Variants in PTPRT observed in about 807,000 individuals in gnomAD.
The protein encoded by PTPRT is protein tyrosine phosphatase receptor type T.
A neutral mutation model predicts 176.8 loss-of-function variants in PTPRT; 56 were observed. The ratio of observed to expected loss-of-function variants is 0.32; its 90% CI spans 0.26 to 0.40. The LOEUF is 0.40. PTPRT is among the 10% of genes least tolerant of loss of function. The pLI, the probability that PTPRT is intolerant of heterozygous loss-of-function variation, is 1.00. For missense variants in PTPRT, 1,540 were observed against 1,908.2 expected, an observed-to-expected ratio of 0.81 and a Z score of 3.60; for synonymous variants, 783 against 739.0, an observed-to-expected ratio of 1.06 and a Z score of -0.96.
intron 6 of PTPRT, among the ~76,000 whole-genome samples, chr20:42,689,449 C>T (rs1335002515): frequency 6.6e-6 from 1 of 152,184 alleles, no homozygotes; most frequent in Non-Finnish European, 1.5e-5. Context: ...TAAAACCTCG[C>T]ACTCATCCTT....
At chr20:42,239,894 T>A (rs928811308) in intron 14 of PTPRT, among the ~76,000 whole-genome samples, 5 of 152,166 alleles carry the variant, frequency 3.3e-5, no homozygotes, top group Admixed American at 1.3e-4. Context: ...AGCTGAGGAA[T>A]CTAAGATTAT....
At chr20:42,790,736 C>G (rs2077362215) in intron 3 of PTPRT, among the ~76,000 whole-genome samples, 2 of 152,154 alleles carry the variant, frequency 1.3e-5, no homozygotes, top group South Asian at 4.2e-4. Context: ...CTTCAAGATT[C>G]ATCTTAGATG....
At chr20:42,554,759 G>A (rs1363046671) in intron 7 of PTPRT, among the ~76,000 whole-genome samples, 1 of 152,022 alleles carries the variant, frequency 6.6e-6, no homozygotes, top group Admixed American at 6.6e-5. Context: ...GACTTAAGCT[G>A]GTCAAATTTG....
chr20:42,169,090 C>T (rs1389013252), intron 16 of PTPRT, among the ~76,000 whole-genome samples: 2 of 152,112 alleles, frequency 1.3e-5, no homozygotes, highest in Non-Finnish European at 2.9e-5. Flanking sequence ...GAAATGCTTC[C>T]AATTTTCTCA....
chr20:43,034,115 G>A (rs894711278), intron 1 of PTPRT, among the ~76,000 whole-genome samples: 1 of 152,220 alleles, frequency 6.6e-6, no homozygotes, highest in African/African-American at 2.4e-5. Flanking sequence ...CTGACTGTGT[G>A]TTCCATTCTA....
chr20:43,115,683 T>C (rs1409686183), intron 1 of PTPRT, among the ~76,000 whole-genome samples: 1 of 152,142 alleles, frequency 6.6e-6, no homozygotes, highest in Admixed American at 6.5e-5. Flanking sequence ...AAAATGTCAA[T>C]TCAATTACCA....
chr20:43,111,858 T>C (rs950399582), intron 1 of PTPRT, among the ~76,000 whole-genome samples: 3 of 152,210 alleles, frequency 2.0e-5, no homozygotes, highest in African/African-American at 7.2e-5. Context: ...GAGCTGCCAG[T>C]CATCAGACTT....
intron 1 of PTPRT, among the ~76,000 whole-genome samples, chr20:43,017,523 CCA>C (rs1322941287): frequency 6.6e-6 from 1 of 152,196 alleles, no homozygotes; most frequent in African/African-American, 2.4e-5. Context: ...CTGTTTGTCC[CCA>C]CTTCTCCCTG....
At chr20:42,345,580 ATATGTG>A (rs199596350) in intron 11 of PTPRT, among the ~76,000 whole-genome samples, 1,372 of 86,428 alleles carry the variant, frequency 0.016, 28 homozygotes, top group Non-Finnish European at 0.021. Context: ...ACATACATAT[ATATGTG>A]TGTGTGTGTG....
At chr20:42,092,483 A>G (rs1984722949) in intron 27 of PTPRT, among the ~76,000 whole-genome samples, 2 of 152,244 alleles carry the variant, frequency 1.3e-5, no homozygotes, top group African/African-American at 2.4e-5. Flanking sequence ...ACTTGGAGAA[A>G]GTAAAGGAAC....
At chr20:42,426,680 C>A (rs2059167066) in intron 9 of PTPRT, among the ~76,000 whole-genome samples, 1 of 152,116 alleles carries the variant, frequency 6.6e-6, no homozygotes, top group South Asian at 2.1e-4. Flanking sequence ...GGGGCCAGAG[C>A]CCAAAAGTGC....
intron 1 of PTPRT, among the ~76,000 whole-genome samples, chr20:43,032,049 C>T (rs956418220): frequency 3.9e-5 from 6 of 152,158 alleles, no homozygotes; most frequent in East Asian, 1.9e-4. Context: ...ACAGGCACCA[C>T]GCATGACTAT....
At chr20:42,792,878 A>T (rs551513547) in intron 2 of PTPRT, among the ~76,000 whole-genome samples, 1 of 152,302 alleles carries the variant, frequency 6.6e-6, no homozygotes, top group African/African-American at 2.4e-5. Flanking sequence ...AAAAACAGAC[A>T]TGAGAGAGAT....
At chr20:42,884,512 G>A (rs905625862) in intron 2 of PTPRT, among the ~76,000 whole-genome samples, 2 of 152,120 alleles carry the variant, frequency 1.3e-5, no homozygotes, top group Non-Finnish European at 2.9e-5. Flanking sequence ...TGGCAGCTGG[G>A]CAGTGGGTTG....
intron 15 of PTPRT, among the ~76,000 whole-genome samples, chr20:42,228,977 A>G (rs1436955745): frequency 6.6e-6 from 1 of 152,242 alleles, no homozygotes; most frequent in Non-Finnish European, 1.5e-5. Flanking sequence ...GATATGGTCC[A>G]TGGAAATTGG....
intron 7 of PTPRT, among the ~76,000 whole-genome samples, chr20:42,611,687 A>T (rs916284175): frequency 1.3e-5 from 2 of 151,886 alleles, no homozygotes; most frequent in African/African-American, 4.8e-5. Context: ...ATCCAAACTC[A>T]CCTTCCTTCC....
At chr20:43,032,631 G>A (rs1165092462) in intron 1 of PTPRT, among the ~76,000 whole-genome samples, 1 of 152,082 alleles carries the variant, frequency 6.6e-6, no homozygotes, top group East Asian at 1.9e-4. Context: ...TTCCAGAAGA[G>A]TCCACAGGGG....
intron 6 of PTPRT, among the ~76,000 whole-genome samples, chr20:42,735,040 T>C (rs992953390): frequency 1.3e-5 from 2 of 152,224 alleles, no homozygotes; most frequent in African/African-American, 4.8e-5. Context: ...GTTCCAGAAG[T>C]GCTCAATAAG....
chr20:42,314,010 C>T (rs1346700185), intron 12 of PTPRT, among the ~76,000 whole-genome samples: 2 of 152,118 alleles, frequency 1.3e-5, no homozygotes, highest in Non-Finnish European at 2.9e-5. Flanking sequence ...CAATCTTGGC[C>T]ACCCAGAGCC....
Sources: gnomAD v4.1 joint callset for allele counts (sites outside exome capture counted in the v4.1 genomes callset) on GRCh38, gnomAD v4.1.1 for gene constraint, MANE v1.5 for transcripts, NCBI Gene and HGNC (gene_info 2026-07-23, HGNC 2026-07-21) for gene names.